Variants in EPHA6 observed in about 807,000 individuals in gnomAD.
EPHA6 encodes ephrin type-A receptor 6.
EPHA6 carries 50 observed loss-of-function variants against 112.0 expected under a neutral mutation model. That is an observed-to-expected ratio of 0.45 (90% CI 0.36 to 0.56). The LOEUF (loss-of-function observed/expected upper bound fraction) is 0.56, where lower values mean the gene tolerates loss of function less well. Among genes scored for constraint, EPHA6 ranks in the 20% least tolerant of loss-of-function variants. EPHA6 has a pLI of 0.00. For synonymous variants in EPHA6, 529 were observed against 490.7 expected (o/e 1.08, Z -1.03); for missense variants, 1,280 against 1,417.4 (o/e 0.90, Z 1.56).
chr3:96,818,318 A>G (rs995990845), intron 1 of EPHA6, among the ~76,000 whole-genome samples: 3 of 151,994 alleles, frequency 2.0e-5, no homozygotes, highest in South Asian at 4.1e-4. Flanking sequence ...GAGTTGATGC[A>G]TATCTAAGGG....
At chr3:97,162,361 T>C (rs1478474842) in intron 3 of EPHA6, among the ~76,000 whole-genome samples, 8 of 152,198 alleles carry the variant, frequency 5.3e-5, no homozygotes, top group Non-Finnish European at 1.2e-4. Flanking sequence ...ACTGGGATTC[T>C]GCCACCAGCT....
chr3:97,745,387 T>C, intron 16 of EPHA6: 1 of 453,856 alleles, frequency 2.2e-6, no homozygotes, highest in Non-Finnish European at 4.4e-6. Flanking sequence ...TTGATGTTAA[T>C]TAAAATGAAA....
chr3:97,100,379 CAA>C (rs2047368605), intron 3 of EPHA6, among the ~76,000 whole-genome samples: 1 of 151,104 alleles, frequency 6.6e-6, no homozygotes, highest in African/African-American at 2.4e-5. Context: ...GACAAATTAA[CAA>C]AGAGACATAA....
intron 14 of EPHA6, among the ~76,000 whole-genome samples, chr3:97,641,465 G>C (rs895446081): frequency 3.9e-5 from 6 of 152,160 alleles, no homozygotes; most frequent in Non-Finnish European, 8.8e-5. Context: ...GAATAGCTCC[G>C]GTCTACAGCT....
At chr3:97,412,647 A>G (rs895578789) in intron 6 of EPHA6, among the ~76,000 whole-genome samples, 11 of 152,108 alleles carry the variant, frequency 7.2e-5, no homozygotes, top group African/African-American at 2.2e-4. Flanking sequence ...ACGTATATAT[A>G]AATTAAAAAT....
intron 3 of EPHA6, among the ~76,000 whole-genome samples, chr3:97,151,986 T>TTACA (rs1321190820): frequency 6.6e-6 from 1 of 152,094 alleles, no homozygotes; most frequent in Non-Finnish European, 1.5e-5. Flanking sequence ...GCTTAATGGT[T>TTACA]TACATACAGT....
At position 97,714,799 on chromosome 3, in the gene EPHA6, G is replaced by T. The variant is rs1007177626; in HGVS notation, c.2785-5462G>T. Among the ~76,000 whole-genome samples the T allele has an allele frequency of 2.0e-5, 3 of 152,218 alleles. No individual in the cohort carries two copies. In the East Asian group the frequency reaches 5.8e-4, roughly 29 times the overall value. On this transcript the variant is annotated intron_variant, in intron 14 of 17. Coordinates refer to ENST00000389672, the MANE Select transcript of EPHA6 (RefSeq NM_001080448.3). ...ACCTCTCCACAAAAGCTGCTGAAAC[G>T]AGACCACCTCTGCCACACATAATCC...
intron 2 of EPHA6, among the ~76,000 whole-genome samples, chr3:96,955,559 C>G (rs1386034208): frequency 2.6e-5 from 4 of 152,000 alleles, no homozygotes; most frequent in African/African-American, 9.7e-5. Flanking sequence ...TTTCTTAATT[C>G]ATTTTTGGTA....
At chr3:97,708,028 T>C (rs4857286) in intron 14 of EPHA6, among the ~76,000 whole-genome samples, 14 of 152,272 alleles carry the variant, frequency 9.2e-5, no homozygotes, top group Non-Finnish European at 1.6e-4. Context: ...AGAAAATTGG[T>C]GCCAAGAGTG....
At chr3:97,640,561 G>A (rs543221624) in intron 14 of EPHA6, among the ~76,000 whole-genome samples, 18 of 151,946 alleles carry the variant, frequency 1.2e-4, no homozygotes, top group East Asian at 7.8e-4. Flanking sequence ...ACCTGAGGTC[G>A]GAAGCTAGAG....
At chr3:96,944,406 T>G (rs2041144357) in intron 2 of EPHA6, among the ~76,000 whole-genome samples, 1 of 152,096 alleles carries the variant, frequency 6.6e-6, no homozygotes, top group African/African-American at 2.4e-5. Context: ...TCATATATGG[T>G]CCATATGATC....
chr3:97,721,768 C>G (rs965169994), intron 15 of EPHA6, among the ~76,000 whole-genome samples: 1 of 152,184 alleles, frequency 6.6e-6, no homozygotes, highest in African/African-American at 2.4e-5. Context: ...TTTGCTCTTC[C>G]CTGCCATTGG....
chr3:97,033,065 GA>G (rs370504621), intron 3 of EPHA6, among the ~76,000 whole-genome samples: 62 of 144,434 alleles, frequency 4.3e-4, no homozygotes, highest in African/African-American at 1.3e-3. Flanking sequence ...AAAAAAGAAA[GA>G]AAAAAAAAAG....
intron 12 of EPHA6, 62 bp downstream of exon 12, chr3:97,592,799 G>T: frequency 6.8e-7 from 1 of 1,459,856 alleles, no homozygotes; most frequent in South Asian, 1.5e-5. Flanking sequence ...GCTCATAGTT[G>T]ATAGGCCCCA....
chr3:97,505,835 T>C (rs982910063), intron 10 of EPHA6, among the ~76,000 whole-genome samples: 5 of 152,328 alleles, frequency 3.3e-5, no homozygotes, highest in African/African-American at 1.2e-4. Flanking sequence ...CTCCACATCC[T>C]CTCCAGCATC....
chr3:97,032,153 T>G (rs1187981700), intron 3 of EPHA6, among the ~76,000 whole-genome samples: 1 of 152,128 alleles, frequency 6.6e-6, no homozygotes, highest in African/African-American at 2.4e-5. Context: ...TGTAGGAACA[T>G]GGATGAAGCT....
At chr3:97,014,486 A>G (rs931608710) in intron 3 of EPHA6, among the ~76,000 whole-genome samples, 6 of 151,142 alleles carry the variant, frequency 4.0e-5, no homozygotes, top group Admixed American at 4.0e-4. Flanking sequence ...TATGGCATAA[A>G]TATGCAAAAC....
intron 3 of EPHA6, among the ~76,000 whole-genome samples, chr3:97,029,818 TA>T (rs1170995911): frequency 6.6e-6 from 1 of 152,148 alleles, no homozygotes; most frequent in African/African-American, 2.4e-5. Context: ...GCACTATTTT[TA>T]TTAACCAATG....
chr3:97,317,579 T>C (rs1230356974), intron 5 of EPHA6, among the ~76,000 whole-genome samples: 1 of 151,996 alleles, frequency 6.6e-6, no homozygotes, highest in African/African-American at 2.4e-5. Context: ...GTAGATTGTT[T>C]TACAAACTTG....
Sources: allele counts gnomAD v4.1 joint callset (sites outside exome capture counted in the v4.1 genomes callset), GRCh38; gene constraint gnomAD v4.1.1; transcripts MANE v1.5; gene names NCBI Gene and HGNC (gene_info 2026-07-23, HGNC 2026-07-21).